Variants in MYH6 observed in about 807,000 individuals in gnomAD.
MYH6 encodes myosin-6.
Under a neutral mutation model 223.2 loss-of-function variants are expected in MYH6, and 126 were observed. That is an observed-to-expected ratio of 0.56 (90% CI 0.49 to 0.65). The LOEUF (loss-of-function observed/expected upper bound fraction) is 0.65, where lower values mean the gene tolerates loss of function less well. Among genes scored for constraint, MYH6 ranks in the 30% least tolerant of loss-of-function variants. MYH6 has a pLI of 0.00. For synonymous variants in MYH6, 978 were observed against 1,010.2 expected (o/e 0.97, Z 0.61); for missense variants, 2,040 against 2,536.4 (o/e 0.80, Z 4.20).
At chr14:23,400,463 T>TGGGTGTGA (rs1891564540) in intron 13 of MYH6, 37 bp from the exon 14 acceptor site, 1 of 1,613,714 alleles carries the variant, frequency 6.2e-7, no homozygotes, top group Admixed American at 1.7e-5. Flanking sequence ...AGTCAGAAAG[T>TGGGTGTGA]GGGTGTGAGT....
At position 23,404,360 on chromosome 14, in the gene MYH6, G is replaced by T; in HGVS notation, c.671C>A (p.Ala224Asp). 6.2e-7 allele frequency: 1 copy of T among 1,614,220 alleles called. No individual in the cohort carries two copies. Residue 224 changes from alanine (A) to aspartate (D), a missense_variant, in exon 8 of 39, where the codon GCC (alanine) becomes GAC (aspartate). Transcript: ENST00000405093. ...GCCGAAGGCCTCCAGAGCGGGGTTG[G>T]CCTGGATGATCTGGTCCTCCAGGGT... is the stretch of plus-strand genomic sequence containing the variant. The part of the protein sequence containing the change: ...KGTLEDQIIQ[A>D]NPALEAFGNA...
In MYH6 at chr14:23,386,447, G is replaced by A; in HGVS notation, c.4827C>T (p.Ser1609=). 6.2e-7 allele frequency: 1 copy of A among 1,614,210 alleles called. No individual in the cohort carries two copies. The highest frequency in any genetic ancestry group is 8.5e-7 in the Non-Finnish European group (1 of 1,180,040). The part of the protein sequence containing the change: ...LQTSLDAETR[S]RNEVLRVKKK... Reference sequence around the variant, plus strand: ...TCTTCACCCTCAGGACCTCGTTGCGGCTGCGTGTCTCTGCATCCAGGGAGG... The same window carrying A: ...TCTTCACCCTCAGGACCTCGTTGCGACTGCGTGTCTCTGCATCCAGGGAGG... Residue 1609 remains serine (S), a synonymous_variant, in exon 33 of 39, where the codon AGC becomes AGT. Coordinates refer to ENST00000405093, the MANE Select transcript of MYH6 (RefSeq NM_002471.4).
At position 23,393,858 on chromosome 14, in the gene MYH6, T is replaced by C. The variant is rs1595056561; in HGVS notation, c.2736A>G (p.Lys912=). The stretch of plus-strand genomic sequence containing the variant: ...CTTTGGCCTCCAGCTGAATCTTGTT[T>C]TTGATCAGCTGGTCGCAGCGCTCCT... The part of the protein sequence containing the change: ...DAEERCDQLI[K]NKIQLEAKVK... The change falls in exon 22 of 39, where the codon AAA becomes AAG. Residue 912 remains lysine, a synonymous_variant. Coordinates refer to ENST00000405093, the MANE Select transcript of MYH6 (RefSeq NM_002471.4). 5 of 1,614,248 alleles carry C rather than the reference T, an allele frequency of 3.1e-6. No homozygotes were observed. Among genetic ancestry groups the C allele is most frequent in the Non-Finnish European group, 4.2e-6 (5 of 1,180,044 alleles).
intron 20 of MYH6, among the ~76,000 whole-genome samples, chr14:23,394,947 C>T (rs1891350261): frequency 6.6e-6 from 1 of 152,148 alleles, no homozygotes. Flanking sequence ...CTCACTGCAA[C>T]CTCTGCCACC....
rs1473052301 is a variant in MYH6 at position 23,407,229 on chromosome 14, T to C, written c.-6A>G. 8 of 1,614,216 alleles carry C rather than the reference T, an allele frequency of 5.0e-6. No individual in the cohort carries two copies. The highest frequency in any genetic ancestry group is 6.8e-6 in the Non-Finnish European group (8 of 1,180,028). ...GCCATCTGGGCATCGGTCATCTTGG[T>C]GCTTCCCCTGGGTCAGAGACAGGAG... On this transcript the variant is annotated 5_prime_UTR_variant, in exon 3 of 39. Transcript: ENST00000405093. The surrounding 1 kb of genome is among the most constrained non-coding windows in gnomAD (Gnocchi z 5.6).
At chr14:23,397,649 G>A (rs1245001408) in intron 15 of MYH6, 36 bp from the exon 16 acceptor site, 8 of 1,606,134 alleles carry the variant, frequency 5.0e-6, no homozygotes, top group East Asian at 2.2e-5. Flanking sequence ...AACAGGAGCT[G>A]GAAAATAAAG....
Position 23,404,759 on chromosome 14 carries a change from A to G in MYH6, c.594T>C (p.Ile198=). The part of the protein sequence containing the change: ...TKRVIQYFAS[I]AAIGDRGKKD... ...TCTTGCCACGGTCACCTATGGCTGC[A>G]ATGCTGGCAAAGTACTGGATGACAC... Residue 198 remains isoleucine, a synonymous_variant, in exon 7 of 39, where the codon ATT becomes ATC. Transcript: ENST00000405093. 2.5e-6 allele frequency: 4 copies of G among 1,614,148 alleles called. No individual in the cohort carries two copies. The highest frequency in any genetic ancestry group is 3.4e-6 in the Non-Finnish European group (4 of 1,180,022).
At position 23,385,955 on chromosome 14, in the gene MYH6, G is replaced by A. The variant is rs397516774; in HGVS notation, c.5136C>T (p.Ser1712=). The A allele has an allele frequency of 1.9e-5, 30 of 1,614,046 alleles. No individual in the cohort carries two copies. Among genetic ancestry groups the A allele is most frequent in the African/African-American group, 1.1e-4 (8 of 74,910 alleles). The part of the protein sequence containing the change: ...KLAEQELIET[S]ERVQLLHSQN... ...GGGAATGCAGCAGCTGCACCCGCTCGCTGGTCTCAATCAGCTCCTGCTCCG... is the reference window on the plus strand; with the variant it reads ...GGGAATGCAGCAGCTGCACCCGCTCACTGGTCTCAATCAGCTCCTGCTCCG... Residue 1712 remains serine (S), a synonymous_variant, in exon 34 of 39, where the codon AGC becomes AGT. Transcript: ENST00000405093.
In MYH6 at chr14:23,393,240, AG is replaced by A. The variant is rs1891291307; in HGVS notation, c.3105+101del. On this transcript the variant is annotated intron_variant, in intron 23 of 38. Transcript: ENST00000405093. ...GAACTACAGAGAGCAAAAAAGCTTCAGGGGCCATAGAAGTTAATTCTAGGGA... is the reference window on the plus strand; with the variant it reads ...GAACTACAGAGAGCAAAAAAGCTTCAGGGCCATAGAAGTTAATTCTAGGGA... 4.6e-6 allele frequency: 7 copies of A among 1,524,242 alleles called. No homozygotes were observed. The South Asian group carries it at 6.8e-5, about 15-fold the overall frequency. 94.4% of individuals were successfully genotyped at this position (1,524,242 alleles called of 1,614,324 possible).
chr14:23,405,299 G>A lies in MYH6; in HGVS notation c.426C>T (p.Tyr142=), dbSNP rs1891749225. The A allele has an allele frequency of 6.2e-7, 1 of 1,614,060 alleles. No individual in the cohort carries two copies. Among genetic ancestry groups the A allele is most frequent in the Non-Finnish European group, 8.5e-7 (1 of 1,180,016 alleles). The change falls in exon 5 of 39, where the codon TAC becomes TAT. Residue 142 remains tyrosine (Y), a synonymous_variant. Coordinates refer to ENST00000405093, the MANE Select transcript of MYH6 (RefSeq NM_002471.4). This position sits in a 1 kb window ranked among gnomAD's most constrained non-coding sequence, Gnocchi z 4.7. Reference sequence around the variant, plus strand: ...GGGCCTCACTCCTCTTCTTGCCCCGGTAGGCGGCCACCACCTCGGCATTGT... The same window carrying A: ...GGGCCTCACTCCTCTTCTTGCCCCGATAGGCGGCCACCACCTCGGCATTGT... ...PVYNAEVVAA[Y]RGKKRSEAPP... is the part of the protein sequence containing the mutation.
In MYH6 at chr14:23,386,369, G is replaced by A. The variant is rs143048583; in HGVS notation, c.4905C>T (p.Asn1635=). 8.0e-4 allele frequency: 1,285 copies of A among 1,614,044 alleles called. No homozygotes were observed. Among genetic ancestry groups the A allele is most frequent in the Non-Finnish European group, 1.1e-3 (1,245 of 1,180,012 alleles). Reference sequence around the variant, plus strand: ...GCTTCTGGGCCTCGGCAGCCATGCGGTTGGCGTGGCTGAGCTGGATCTCCA... The same window carrying A: ...GCTTCTGGGCCTCGGCAGCCATGCGATTGGCGTGGCTGAGCTGGATCTCCA... The part of the protein sequence containing the change: ...NEMEIQLSHA[N]RMAAEAQKQV... The change falls in exon 33 of 39, where the codon AAC becomes AAT. Residue 1635 remains asparagine, a synonymous_variant. Transcript: ENST00000405093.
At chr14:23,392,509 G>T in intron 25 of MYH6, 53 bp downstream of exon 25, 1 of 1,324,724 alleles carries the variant, frequency 7.5e-7, no homozygotes, top group Non-Finnish European at 1.1e-6. Context: ...TGCAGCCTCA[G>T]TTACCTCAGG....
Position 23,385,023 on chromosome 14 carries a change from G to C in MYH6, c.5182C>G (p.Gln1728Glu), listed in dbSNP as rs1329348058. ...LHSQNTSLINQKKKMESDLTQ... is the reference protein window; with the variant it reads ...LHSQNTSLINEKKKMESDLTQ... Reference sequence around the variant, plus strand: ...AGATCCGACTCCATCTTCTTCTTCTGGTTGATGAGGCTGGTGTTCTAGACA... The same window carrying C: ...AGATCCGACTCCATCTTCTTCTTCTCGTTGATGAGGCTGGTGTTCTAGACA... Residue 1728 changes from glutamine to glutamate, a missense_variant, in exon 35 of 39, where the codon CAG becomes GAG. Coordinates refer to ENST00000405093, the MANE Select transcript of MYH6 (RefSeq NM_002471.4). 1 of 1,614,150 alleles carries C rather than the reference G, an allele frequency of 6.2e-7. No individual in the cohort carries two copies. The highest frequency in any genetic ancestry group is 1.3e-5 in the African/African-American group (1 of 75,020).
Position 23,407,037 on chromosome 14 carries a change from T to A in MYH6, c.187A>T (p.Thr63Ser). The A allele has an allele frequency of 6.2e-7, 1 of 1,614,172 alleles. No individual in the cohort carries two copies. The highest frequency in any genetic ancestry group is 8.5e-7 in the Non-Finnish European group (1 of 1,180,034). The change falls in exon 3 of 39, where the codon ACC becomes TCC. Residue 63 changes from threonine (T) to serine (S), a missense_variant. This residue lies in a region of MYH6 where 184 missense variants were observed against 232.4 expected (regional missense o/e 0.79). Transcript: ENST00000405093. The surrounding 1 kb of genome is among the most constrained non-coding windows in gnomAD (Gnocchi z 5.6). ...GCCCTACTCACCTTCCCATTCTCGGTTTCAGCAATGACCTTGCCTCCCTCC... is the reference window on the plus strand; with the variant it reads ...GCCCTACTCACCTTCCCATTCTCGGATTCAGCAATGACCTTGCCTCCCTCC... ...SREGGKVIAE[T>S]ENGKTVTVKE...
At position 23,398,734 on chromosome 14, in the gene MYH6, C is replaced by T. The variant is rs180904654; in HGVS notation, c.1885G>A (p.Asp629Asn). 7.1e-5 allele frequency: 114 copies of T among 1,614,142 alleles called. No homozygotes were observed. The East Asian group carries it at 1.8e-3, about 25-fold the overall frequency. ...GCAGGGGCTGCCTGCTTACCAGTAT[C>T]GGCAGTTGCGTAGGAGGAGAAGAGA... is the stretch of plus-strand genomic sequence containing the variant. The part of the protein sequence containing the change: ...ATLFSSYATA[D>N]TGDSGKSKGG... Residue 629 changes from aspartate to asparagine, a missense_variant, in exon 15 of 39, where the codon GAT (aspartate) becomes AAT (asparagine). Transcript: ENST00000405093.
At chr14:23,404,626 G>T in intron 7 of MYH6, 85 bp downstream of exon 7, 1 of 1,352,976 alleles carries the variant, frequency 7.4e-7, no homozygotes, top group Non-Finnish European at 1.1e-6. Flanking sequence ...TCCCCACCAC[G>T]TCACAGGGAG....
chr14:23,394,416 T>A, intron 20 of MYH6, 93 bp from the exon 21 acceptor site: 4 of 1,515,776 alleles, frequency 2.6e-6, no homozygotes, highest in Non-Finnish European at 3.6e-6. Flanking sequence ...CACGTAGACT[T>A]CCTTCTTGTG....
intron 20 of MYH6, among the ~76,000 whole-genome samples, chr14:23,394,952 G>A (rs1179001283): frequency 6.6e-6 from 1 of 152,176 alleles, no homozygotes; most frequent in Non-Finnish European, 1.5e-5. Flanking sequence ...TGCAACCTCT[G>A]CCACCCGGAT....
rs751303420 is a variant in MYH6 at position 23,382,471 on chromosome 14, T to A, written c.5753A>T (p.Gln1918Leu). The A allele has an allele frequency of 6.2e-7, 1 of 1,614,042 alleles. No homozygotes were observed. Among genetic ancestry groups the A allele is most frequent in the African/African-American group, 1.3e-5 (1 of 74,918 alleles). The part of the protein sequence containing the change: ...AEERADIAES[Q>L]VNKLRAKSRD... The stretch of plus-strand genomic sequence containing the variant: ...GCTCTTGGCTCGAAGCTTGTTGACC[T>A]GGGACTCAGCGATGTCCGCCCGCTC... The change falls in exon 38 of 39, where the codon CAG becomes CTG. Residue 1918 changes from glutamine (Q) to leucine (L), a missense_variant. Physicochemically the swap from Gln to Leu is moderately radical, Grantham distance 113. This residue lies in a region of MYH6 where 1,203 missense variants were observed against 1,400.2 expected (regional missense o/e 0.86). Transcript: ENST00000405093.
Sources: gnomAD v4.1 joint callset for allele counts (sites outside exome capture counted in the v4.1 genomes callset) on GRCh38, gnomAD v4.1.1 for gene constraint, gnomAD v4.1.1 regional missense constraint, Gnocchi (gnomAD v3.1) non-coding constraint, MANE v1.5 for transcripts, NCBI Gene and HGNC (gene_info 2026-07-23, HGNC 2026-07-21) for gene names.